Variants in ZNF516 observed in about 807,000 individuals in gnomAD.
ZNF516 encodes zinc finger protein 516.
ZNF516 carries 19 observed loss-of-function variants against 79.7 expected under a neutral mutation model. The observed-to-expected ratio is 0.24, with a 90% CI of 0.17 to 0.35. The LOEUF (loss-of-function observed/expected upper bound fraction) is 0.35, where lower values mean the gene tolerates loss of function less well. Among genes scored for constraint, ZNF516 ranks in the 10% least tolerant of loss-of-function variants. The pLI is 1.00. For missense variants in ZNF516, 1,678 were observed against 1,679.5 expected, an observed-to-expected ratio of 1.00 and a Z score of 0.02; for synonymous variants, 877 against 739.5, an observed-to-expected ratio of 1.19 and a Z score of -3.02.
chr18:76,470,744 G>GT (rs1340875699), intron 1 of ZNF516, among the ~76,000 whole-genome samples: 2 of 152,328 alleles, frequency 1.3e-5, no homozygotes, highest in East Asian at 3.9e-4. Context: ...GCTGGGCGCG[G>GT]TGGCTACCGC....
At chr18:76,388,729 C>G (rs576963968) in intron 3 of ZNF516, 3 of 152,334 alleles carry the variant, frequency 2.0e-5, no homozygotes, top group Non-Finnish European at 2.9e-5. Context: ...AAACAAAGTG[C>G]AAGAAGAGAA....
intron 3 of ZNF516, among the ~76,000 whole-genome samples, chr18:76,414,935 C>T (rs1266499744): frequency 2.6e-5 from 4 of 152,160 alleles, no homozygotes; most frequent in Admixed American, 2.0e-4. Context: ...CGGTGGCTCA[C>T]GCCTGTAATC....
chr18:76,375,053 C>T (rs2074764691), intron 4 of ZNF516, among the ~76,000 whole-genome samples: 1 of 152,164 alleles, frequency 6.6e-6, no homozygotes, highest in African/African-American at 2.4e-5. Flanking sequence ...CAGTATTCAG[C>T]AACACTCAAA....
At chr18:76,397,603 A>G (rs1201752731) in intron 3 of ZNF516, among the ~76,000 whole-genome samples, 2 of 152,168 alleles carry the variant, frequency 1.3e-5, no homozygotes, top group East Asian at 1.9e-4. Context: ...TCTGGACACG[A>G]TATTTTATTT....
At position 76,359,393 on chromosome 18, in the gene ZNF516, G is replaced by C. The variant is rs1308533054; in HGVS notation, c.*3105C>G. 6.6e-6 allele frequency: 1 copy of C among 152,162 alleles called. No individual in the cohort carries two copies. Among genetic ancestry groups the C allele is most frequent in the Non-Finnish European group, 1.5e-5 (1 of 68,028 alleles). 9.4% of individuals were successfully genotyped at this position (152,162 alleles called of 1,614,324 possible). ...AGGGAACCAGGCAGAAAGGTGGGCA[G>C]GTACAGTGGCCAATTTCCCAGAGAA... On this transcript the variant is annotated 3_prime_UTR_variant, in exon 7 of 7. Transcript: ENST00000443185.
rs1356397229 is a variant in ZNF516 at position 76,358,903 on chromosome 18, T to TA, written c.*3594dup. 6.6e-6 allele frequency: 1 copy of TA among 152,250 alleles called. No homozygotes were observed. The allele number at this position is 152,250 out of a possible 1,614,324, so 9.4% of individuals were successfully genotyped here. A position where few individuals can be genotyped will look rare whatever the true frequency, so the allele number is the denominator to read the frequency against. ...CCAGAAAGCATCCCTACTGACCCTGTAACCTACACCCTCTCTGTCCAAAGA... is the reference window on the plus strand; with the variant it reads ...CCAGAAAGCATCCCTACTGACCCTGTAAACCTACACCCTCTCTGTCCAAAGA... On this transcript the variant is annotated 3_prime_UTR_variant, in exon 7 of 7. Transcript: ENST00000443185.
At chr18:76,427,177 A>G (rs1301083666) in intron 3 of ZNF516, among the ~76,000 whole-genome samples, 1 of 152,210 alleles carries the variant, frequency 6.6e-6, no homozygotes, top group East Asian at 1.9e-4. Context: ...GCATGTCATA[A>G]TACATTATTA....
chr18:76,379,236 C>A lies in ZNF516; in HGVS notation c.2878G>T (p.Ala960Ser), dbSNP rs1180565720. Reference sequence around the variant, plus strand: ...TGCTTATTTGTGGGGGCAAAGCCAGCCCCCGCTGGGGGGACCCCAAACTTC... The same window carrying A: ...TGCTTATTTGTGGGGGCAAAGCCAGACCCCGCTGGGGGGACCCCAAACTTC... The part of the protein sequence containing the change: ...VEKFGVPPAG[A>S]GFAPTNKHSA... Residue 960 changes from alanine to serine, a missense_variant, in exon 4 of 7, where the codon GCT (alanine) becomes TCT (serine). Coordinates refer to ENST00000443185, the MANE Select transcript of ZNF516 (RefSeq NM_014643.4). 2 of 1,612,744 alleles carry A rather than the reference C, an allele frequency of 1.2e-6. No homozygotes were observed. The highest frequency in any genetic ancestry group is 1.7e-6 in the Non-Finnish European group (2 of 1,179,716).
chr18:76,426,901 C>T (rs928428413), intron 3 of ZNF516, among the ~76,000 whole-genome samples: 1 of 152,316 alleles, frequency 6.6e-6, no homozygotes, highest in East Asian at 1.9e-4. Flanking sequence ...ACACTGACCC[C>T]TAGCGGCTCC....
chr18:76,483,996 C>T (rs1330911784), intron 1 of ZNF516, among the ~76,000 whole-genome samples: 1 of 152,206 alleles, frequency 6.6e-6, no homozygotes, highest in Non-Finnish European at 1.5e-5. Context: ...GTGGAGCAAG[C>T]TCTAAGCATC....
chr18:76,475,065 C>T lies in ZNF516; in HGVS notation c.-271-11924G>A, dbSNP rs1028119495. On this transcript the variant is annotated intron_variant, in intron 1 of 6. Transcript: ENST00000443185. ...TTTTAAGAAACAACTCATATATAGG[C>T]TACCTGAATGTTTCTGTATCTGGAA... Among the ~76,000 whole-genome samples, 6 of 152,298 alleles carry T rather than the reference C, an allele frequency of 3.9e-5. No homozygotes were observed. The South Asian group carries it at 6.2e-4, about 16-fold the overall frequency.
intron 3 of ZNF516, among the ~76,000 whole-genome samples, chr18:76,418,381 A>G (rs987579130): frequency 1.3e-5 from 2 of 152,156 alleles, no homozygotes; most frequent in Admixed American, 1.3e-4. Context: ...ACTAACACAC[A>G]CTGTAACACT....
At chr18:76,380,731 A>T (rs1189789170) in intron 3 of ZNF516, among the ~76,000 whole-genome samples, 4 of 152,180 alleles carry the variant, frequency 2.6e-5, no homozygotes, top group African/African-American at 9.7e-5. Context: ...CAGGGTAAGA[A>T]AACCAGAGAA....
In ZNF516 at chr18:76,459,976, T is replaced by C. The variant is rs1321607564; in HGVS notation, c.-158+3052A>G. Among the ~76,000 whole-genome samples the C allele has an allele frequency of 2.0e-5, 3 of 152,200 alleles. No individual in the cohort carries two copies. Among genetic ancestry groups the C allele is most frequent in the Admixed American group, 6.5e-5 (1 of 15,284 alleles). Reference sequence around the variant, plus strand: ...ATGAATCATGTCCACTGCACTAGAATGCAGTCTTTTAACCACTATCAACAT... The same window carrying C: ...ATGAATCATGTCCACTGCACTAGAACGCAGTCTTTTAACCACTATCAACAT... On this transcript the variant is annotated intron_variant, in intron 2 of 6. Transcript: ENST00000443185. This position sits in a 1 kb window ranked among gnomAD's most constrained non-coding sequence, Gnocchi z 5.0.
At chr18:76,384,601 T>G in intron 3 of ZNF516, among the ~76,000 whole-genome samples, 1 of 123,086 alleles carries the variant, frequency 8.1e-6, no homozygotes, top group South Asian at 3.2e-4. Flanking sequence ...ACAGCTCCCA[T>G]CCCCCACCCC....
At chr18:76,392,537 G>A (rs2075089603) in intron 3 of ZNF516, among the ~76,000 whole-genome samples, 2 of 141,732 alleles carry the variant, frequency 1.4e-5, no homozygotes, top group Admixed American at 1.4e-4. Flanking sequence ...GGGGAAAGGT[G>A]GATGGGAAGG....
chr18:76,418,837 G>GT (rs2075470094), intron 3 of ZNF516, among the ~76,000 whole-genome samples: 1 of 152,246 alleles, frequency 6.6e-6, no homozygotes, highest in Non-Finnish European at 1.5e-5. Context: ...CCATTTGCTA[G>GT]TAAGTAGAAA....
Position 76,437,872 on chromosome 18 carries a change from G to A in ZNF516, c.1810+3373C>T, listed in dbSNP as rs760658349. ...TTGAATCCAAAGATGTGGAATCCACGGATACACAGGGCCAACTGTACTTGT... is the reference window on the plus strand; with the variant it reads ...TTGAATCCAAAGATGTGGAATCCACAGATACACAGGGCCAACTGTACTTGT... On this transcript the variant is annotated intron_variant, in intron 3 of 6. Coordinates refer to ENST00000443185, the MANE Select transcript of ZNF516 (RefSeq NM_014643.4). 5.8e-4 allele frequency among the ~76,000 whole-genome samples: 89 copies of A among 152,258 alleles called. 1 individual carries two copies. The highest frequency in any genetic ancestry group is 6.8e-3 in the Middle Eastern group (2 of 294).
intron 1 of ZNF516, chr18:76,492,593 G>A: frequency 2.1e-6 from 1 of 472,004 alleles, no homozygotes; most frequent in Admixed American, 6.4e-5. Context: ...AGCAATCCGC[G>A]TTCTCAGTTC....
Sources: gnomAD v4.1 joint callset for allele counts (sites outside exome capture counted in the v4.1 genomes callset) on GRCh38, gnomAD v4.1.1 for gene constraint, Gnocchi (gnomAD v3.1) non-coding constraint, MANE v1.5 for transcripts, NCBI Gene and HGNC (gene_info 2026-07-23, HGNC 2026-07-21) for gene names.